Variants in PHTF2 observed in about 807,000 individuals in gnomAD.
The protein encoded by PHTF2 is protein PHTF2.
A neutral mutation model predicts 101.2 loss-of-function variants in PHTF2; 60 were observed. The observed-to-expected ratio is 0.59, with a 90% CI of 0.48 to 0.73. The LOEUF (loss-of-function observed/expected upper bound fraction) is 0.73, where lower values mean the gene tolerates loss of function less well. Among genes scored for constraint, PHTF2 ranks in the 30% least tolerant of loss-of-function variants. PHTF2 has a pLI of 0.00. For missense variants in PHTF2, 747 were observed against 908.7 expected (o/e 0.82, Z 2.29); for synonymous variants, 311 against 307.3 (o/e 1.01, Z -0.13).
chr7:77,855,399 G>T (rs907299298), intron 3 of PHTF2, among the ~76,000 whole-genome samples: 1 of 152,212 alleles, frequency 6.6e-6, no homozygotes, highest in Non-Finnish European at 1.5e-5. Context: ...CCAAATGGAA[G>T]GAAGGAGTCT....
chr7:77,922,563 T>C, intron 10 of PHTF2, 60 bp from the exon 10 acceptor site: 1 of 1,415,888 alleles, frequency 7.1e-7, no homozygotes, highest in Non-Finnish European at 9.5e-7. Flanking sequence ...TTTCATAGTT[T>C]AAAAGCTAAA....
At chr7:77,836,817 G>A (rs984834125) in intron 1 of PHTF2, among the ~76,000 whole-genome samples, 17 of 152,076 alleles carry the variant, frequency 1.1e-4, no homozygotes, top group Middle Eastern at 3.4e-3. Context: ...AGGGCCGGTC[G>A]GGGTGGGGGG....
chr7:77,862,573 G>T (rs1797734157), intron 3 of PHTF2, among the ~76,000 whole-genome samples: 1 of 152,168 alleles, frequency 6.6e-6, no homozygotes, highest in Non-Finnish European at 1.5e-5. Flanking sequence ...TCCAAGAAAT[G>T]ATGCTATTTG....
chr7:77,854,730 T>A (rs760568688), intron 2 of PHTF2: 2 of 710,590 alleles, frequency 2.8e-6, no homozygotes, highest in African/African-American at 3.5e-5. Context: ...TTTGCTCATG[T>A]AGGAGTTTCT....
chr7:77,850,503 A>G (rs1213665970), intron 2 of PHTF2, among the ~76,000 whole-genome samples: 3 of 151,060 alleles, frequency 2.0e-5, no homozygotes, highest in Non-Finnish European at 3.0e-5. Context: ...TAAGCCAGGC[A>G]TGGTGGCATA....
intron 1 of PHTF2, among the ~76,000 whole-genome samples, chr7:77,814,766 T>TG (rs1331293010): frequency 4.6e-5 from 7 of 152,010 alleles, no homozygotes; most frequent in Middle Eastern, 3.4e-3. Context: ...GCGCCCGGTC[T>TG]GGGGGGGCAT....
chr7:77,889,564 C>A (rs191795093), intron 3 of PHTF2, among the ~76,000 whole-genome samples: 62 of 140,914 alleles, frequency 4.4e-4, no homozygotes, highest in African/African-American at 1.5e-3. Context: ...AATGTTCATT[C>A]TGGTAGTATT....
intron 3 of PHTF2, among the ~76,000 whole-genome samples, chr7:77,858,330 A>T (rs1265074979): frequency 6.6e-6 from 1 of 152,170 alleles, no homozygotes. Flanking sequence ...TTATTTGTTT[A>T]CAAGGAAAAA....
rs191143473 is a variant in PHTF2, at chr7:77,829,942, T to G, written c.-35-10279T>G. Among the ~76,000 whole-genome samples, 3 of 152,338 alleles carry G rather than the reference T, an allele frequency of 2.0e-5. No homozygotes were observed. The East Asian group carries it at 5.8e-4, about 29-fold the overall frequency. On this transcript the variant is annotated intron_variant, in intron 1 of 19. Coordinates refer to ENST00000416283, the Ensembl canonical transcript of PHTF2. ...TACCCTTTAATGTTATGAAAAAGTA[T>G]GTTTGTTTATGTGCATGTTGGGGGA...
chr7:77,936,896 G>C (rs761165492), intron 12 of PHTF2, among the ~76,000 whole-genome samples: 2 of 151,846 alleles, frequency 1.3e-5, no homozygotes, highest in Non-Finnish European at 2.9e-5. Context: ...TGTAATCCCA[G>C]CACTTTGGGA....
intron 1 of PHTF2, among the ~76,000 whole-genome samples, chr7:77,803,867 A>G (rs562947312): frequency 1.1e-4 from 16 of 152,244 alleles, no homozygotes; most frequent in Non-Finnish European, 2.2e-4. Flanking sequence ...AAGGGAAAAT[A>G]TAGGAAGAGA....
At chr7:77,875,619 A>G (rs1338334128) in intron 3 of PHTF2, among the ~76,000 whole-genome samples, 3 of 151,828 alleles carry the variant, frequency 2.0e-5, no homozygotes, top group Admixed American at 6.6e-5. Flanking sequence ...GTGCGGTGGC[A>G]CCATCTTGGC....
At chr7:77,852,403 C>T (rs1002455139) in intron 2 of PHTF2, among the ~76,000 whole-genome samples, 2 of 152,290 alleles carry the variant, frequency 1.3e-5, no homozygotes, top group Non-Finnish European at 2.9e-5. Flanking sequence ...TTGAGGTTAT[C>T]ATGAGGCTTG....
intron 2 of PHTF2, among the ~76,000 whole-genome samples, chr7:77,854,251 C>G (rs1796987613): frequency 6.6e-6 from 1 of 152,158 alleles, no homozygotes; most frequent in South Asian, 2.1e-4. Flanking sequence ...GGAAGACTCC[C>G]TGGATTGTCA....
chr7:77,890,631 A>T (rs544415867), intron 3 of PHTF2, among the ~76,000 whole-genome samples: 8 of 101,564 alleles, frequency 7.9e-5, no homozygotes, highest in Admixed American at 1.5e-4. Flanking sequence ...TTTGAGATGG[A>T]GTCTTGCTCT....
At chr7:77,820,342 GT>G (rs1377214135) in intron 1 of PHTF2, among the ~76,000 whole-genome samples, 8 of 150,208 alleles carry the variant, frequency 5.3e-5, no homozygotes, top group Admixed American at 6.6e-5. Flanking sequence ...ATAGTTGTAT[GT>G]TTTTTTGTTT....
chr7:77,928,640 C>T (rs1358333686), intron 11 of PHTF2, among the ~76,000 whole-genome samples: 1 of 152,166 alleles, frequency 6.6e-6, no homozygotes, highest in Admixed American at 6.5e-5. Flanking sequence ...AGTCAGCCCT[C>T]GCCCTCCATT....
intron 1 of PHTF2, among the ~76,000 whole-genome samples, chr7:77,816,523 G>A (rs576688375): frequency 6.6e-6 from 1 of 152,304 alleles, no homozygotes; most frequent in South Asian, 2.1e-4. Flanking sequence ...ACATAATGAT[G>A]TTTCAGTACA....
chr7:77,808,698 G>A (rs1429953343), intron 1 of PHTF2, among the ~76,000 whole-genome samples: 3 of 152,112 alleles, frequency 2.0e-5, no homozygotes, highest in Non-Finnish European at 4.4e-5. Context: ...AGTAATTCTA[G>A]CCACCTTGGT....
Sources: allele counts gnomAD v4.1 joint callset (sites outside exome capture counted in the v4.1 genomes callset), GRCh38; gene constraint gnomAD v4.1.1; transcripts MANE v1.5; gene names NCBI Gene and HGNC (gene_info 2026-07-23, HGNC 2026-07-21).